ZNF37A: variants seen among roughly 807,000 people sequenced by gnomAD.
The protein encoded by ZNF37A is zinc finger protein 37A, also known as zinc finger protein 37a (KOX 21).
In ZNF37A, 10 loss-of-function variants were observed where a neutral mutation model predicts 12.3. The observed-to-expected ratio is 0.82, with a 90% CI of 0.50 to 1.38. The LOEUF (loss-of-function observed/expected upper bound fraction) is 1.38, where lower values mean the gene tolerates loss of function less well. ZNF37A is among the 40% of genes most tolerant of loss of function. ZNF37A has a pLI of 0.00. For synonymous variants in ZNF37A, 207 were observed against 223.0 expected (o/e 0.93, Z 0.64); for missense variants, 580 against 651.2 (o/e 0.89, Z 1.19).
chr10:38,096,258 G>T (rs2067147619), intron 4 of ZNF37A, among the ~76,000 whole-genome samples: 1 of 152,144 alleles, frequency 6.6e-6, no homozygotes, highest in Admixed American at 6.5e-5. Context: ...TTGTAATAAA[G>T]ATTAAAACCT....
intron 6 of ZNF37A, 41 bp from the exon 7 acceptor site, chr10:38,115,154 C>T (rs1232841067): frequency 2.2e-5 from 35 of 1,595,124 alleles, no homozygotes; most frequent in Non-Finnish European, 2.7e-5. Context: ...TTCAGGAAAA[C>T]CCACCCAGTT....
downstream of ZNF37A, chr10:38,124,940 T>G (rs1463895523): frequency 2.0e-5 from 3 of 152,144 alleles, no homozygotes; most frequent in Non-Finnish European, 4.4e-5. Flanking sequence ...TCAGAAAATA[T>G]GCCAATGAAA....
In ZNF37A at chr10:38,122,913, C is replaced by G. The variant is rs1425274171; in HGVS notation, c.*4076C>G. The stretch of plus-strand genomic sequence containing the variant: ...TAGAATGTGAGATAATATTTGCAAA[C>G]TATCCATCTGTATTAGGCCATTTTT... On this transcript the variant is annotated 3_prime_UTR_variant, in exon 8 of 8. Transcript: ENST00000685332. 6.6e-6 allele frequency: 1 copy of G among 152,182 alleles called. No individual in the cohort carries two copies. Among genetic ancestry groups the G allele is most frequent in the Non-Finnish European group, 1.5e-5 (1 of 68,032 alleles). 9.4% of individuals were successfully genotyped at this position (152,182 alleles called of 1,614,324 possible).
chr10:38,129,392 A>ATTGTGTGTT (rs1183164070), downstream of ZNF37A, among the ~76,000 whole-genome samples: 1 of 151,022 alleles, frequency 6.6e-6, no homozygotes, highest in Non-Finnish European at 1.5e-5. Context: ...TTATAGGTAA[A>ATTGTGTGTT]TTGTGTGTTG....
chr10:38,102,266 T>G (rs1183421652), intron 5 of ZNF37A, among the ~76,000 whole-genome samples: 1 of 152,248 alleles, frequency 6.6e-6, no homozygotes, highest in African/African-American at 2.4e-5. Flanking sequence ...TTTCAGTTTT[T>G]CTGTGTATGC....
At chr10:38,098,644 C>T (rs1283667426) in intron 5 of ZNF37A, among the ~76,000 whole-genome samples, 1 of 151,958 alleles carries the variant, frequency 6.6e-6, no homozygotes, top group Admixed American at 6.6e-5. Context: ...CATATCCTTG[C>T]TTAAATTTAT....
Position 38,145,521 on chromosome 10 carries a change from C to G in ZNF37A, c.239-1211C>G, listed in dbSNP as rs116993836. ...ACCTGTTATTATTTTTTCACATTAT[C>G]TCTACATTTTTCATATTATCTATAC... On this transcript the variant is annotated intron_variant, in intron 7 of 7. Transcript: ENST00000638053. 6.1e-3 allele frequency among the ~76,000 whole-genome samples: 925 copies of G among 152,210 alleles called. 51 individuals are homozygous for G. The East Asian group carries it at 0.11, about 18-fold the overall frequency.
intron 7 of ZNF37A, chr10:38,141,816 G>T (rs1048953387): frequency 2.0e-5 from 3 of 152,084 alleles, no homozygotes; most frequent in African/African-American, 7.2e-5. Context: ...AATCAGGAAA[G>T]AGGCTAAAGC....
intron 7 of ZNF37A, chr10:38,139,785 T>A (rs746225552): frequency 1.3e-5 from 2 of 152,230 alleles, no homozygotes; most frequent in Non-Finnish European, 2.9e-5. Context: ...AAATTAATAA[T>A]TTATTGATTG....
intron 5 of ZNF37A, among the ~76,000 whole-genome samples, chr10:38,112,797 T>TG (rs1322840046): frequency 0.065 from 3,697 of 57,242 alleles, 790 homozygotes; most frequent in East Asian, 0.11. Flanking sequence ...TTTCTTTTCT[T>TG]GTCTTGTCTT....
rs2069792533 is a variant in ZNF37A, at chr10:38,122,893, T to C, written c.*4056T>C. 1 of 152,224 alleles carries C rather than the reference T, an allele frequency of 6.6e-6. No individual in the cohort carries two copies. The highest frequency in any genetic ancestry group is 6.5e-5 in the Admixed American group (1 of 15,288). The allele number at this position is 152,224 out of a possible 1,614,324, so 9.4% of individuals were successfully genotyped here. On this transcript the variant is annotated 3_prime_UTR_variant, in exon 8 of 8. Transcript: ENST00000685332. ...CAAAGTGAAGAGACAACCCATAGAA[T>C]GTGAGATAATATTTGCAAACTATCC...
chr10:38,118,828 C>T lies in ZNF37A; in HGVS notation c.1677C>T (p.Tyr559=). The part of the protein sequence containing the change: ...NPINVVNEGN[Y]SG ...TAAATGTAGTAAACGAGGGAAATTA[C>T]TCTGGGTGAAGTCAGAACTTTGTAG... The change falls in exon 8 of 8, where the codon TAC becomes TAT. Residue 559 remains tyrosine (Y), a synonymous_variant. Coordinates refer to ENST00000685332, the MANE Select transcript of ZNF37A (RefSeq NM_001324250.3). 1.3e-6 allele frequency: 2 copies of T among 1,568,506 alleles called. No homozygotes were observed. The highest frequency in any genetic ancestry group is 8.6e-7 in the Non-Finnish European group (1 of 1,160,112).
At chr10:38,101,827 T>A (rs991643731) in intron 5 of ZNF37A, among the ~76,000 whole-genome samples, 5 of 146,890 alleles carry the variant, frequency 3.4e-5, no homozygotes, top group Non-Finnish European at 6.0e-5. Flanking sequence ...ATTTTTCTTT[T>A]TTTTTTTTTT....
chr10:38,115,068 TGTGTG>T (rs989763655), intron 6 of ZNF37A, 122 bp from the exon 7 acceptor site: 4 of 126,168 alleles, frequency 3.2e-5, no homozygotes, highest in African/African-American at 1.1e-4. Context: ...TTAAATGAAG[TGTGTG>T]TGTGTGTGTG....
At position 38,095,525 on chromosome 10, in the gene ZNF37A, T is replaced by G. The variant is rs1266097057; in HGVS notation, c.-197-13T>G. 1 of 152,240 alleles carries G rather than the reference T, an allele frequency of 6.6e-6. No individual in the cohort carries two copies. Among genetic ancestry groups the G allele is most frequent in the Admixed American group, 6.5e-5 (1 of 15,286 alleles). The allele number at this position is 152,240 out of a possible 1,614,324, so 9.4% of individuals were successfully genotyped here. On this transcript the variant is annotated splice_polypyrimidine_tract_variant and intron_variant, in intron 2 of 7. Coordinates refer to ENST00000685332, the MANE Select transcript of ZNF37A (RefSeq NM_001324250.3). ...CACCCTCCATGCCTGGATTCGTTAC[T>G]CGCTCGTTCTAGATGCTGAGCTGCT...
chr10:38,128,973 C>T (rs140906861), downstream of ZNF37A, among the ~76,000 whole-genome samples: 1,003 of 152,122 alleles, frequency 6.6e-3, 13 homozygotes, highest in African/African-American at 0.023. Flanking sequence ...AGGCTGGTCT[C>T]GAACTCCTGA....
chr10:38,112,523 T>C (rs17587699), intron 5 of ZNF37A, among the ~76,000 whole-genome samples: 1 of 151,452 alleles, frequency 6.6e-6, no homozygotes, highest in Non-Finnish European at 1.5e-5. Context: ...TACACAGTGC[T>C]CTTGATTGCC....
intron 5 of ZNF37A, among the ~76,000 whole-genome samples, chr10:38,112,007 T>G (rs566737638): frequency 1.3e-5 from 2 of 150,352 alleles, no homozygotes; most frequent in South Asian, 4.2e-4. Context: ...GCCTCCCGGG[T>G]TTTTGCAGTC....
chr10:38,099,480 T>C (rs781442102), intron 5 of ZNF37A, among the ~76,000 whole-genome samples: 8 of 152,238 alleles, frequency 5.3e-5, no homozygotes, highest in Non-Finnish European at 7.3e-5. Flanking sequence ...TAATGTTGAA[T>C]GATATTTCAT....
Sources: gnomAD v4.1 joint callset for allele counts (sites outside exome capture counted in the v4.1 genomes callset) on GRCh38, gnomAD v4.1.1 for gene constraint, MANE v1.5 for transcripts, NCBI Gene and HGNC (gene_info 2026-07-23, HGNC 2026-07-21) for gene names.